GHR: variants seen among roughly 807,000 people sequenced by gnomAD.
GHR encodes the protein GH receptor.
GHR carries 35 observed loss-of-function variants against 67.1 expected under a neutral mutation model. The ratio of observed to expected loss-of-function variants is 0.52; its 90% confidence interval spans 0.40 to 0.69. GHR has a LOEUF of 0.69. Ranked by LOEUF, GHR falls within the 30% of genes least tolerant of loss-of-function variation. The probability of loss-of-function intolerance (pLI) is 0.00; values close to 1 mark genes in which losing one functional copy is unlikely to be tolerated. For synonymous variants in GHR, 272 were observed against 269.1 expected (o/e 1.01, Z -0.10); for missense variants, 792 against 764.6 (o/e 1.04, Z -0.42).
chr5:42,462,890 G>A (rs977175599), intron 1 of GHR, among the ~76,000 whole-genome samples: 4 of 151,930 alleles, frequency 2.6e-5, no homozygotes, highest in Admixed American at 6.6e-5. Flanking sequence ...ATTATATTAA[G>A]ATCTGAATGG....
chr5:42,686,860 T>C (rs1268029797), intron 3 of GHR, among the ~76,000 whole-genome samples: 1 of 152,204 alleles, frequency 6.6e-6, no homozygotes, highest in Non-Finnish European at 1.5e-5. Flanking sequence ...ATAAAGGGTA[T>C]TCAATTAGGA....
chr5:42,564,112 TA>T (rs1406675964), intron 1 of GHR, among the ~76,000 whole-genome samples: 1 of 150,586 alleles, frequency 6.6e-6, no homozygotes, highest in African/African-American at 2.4e-5. Flanking sequence ...GTGTGAGATT[TA>T]TTTGAAATCT....
chr5:42,587,309 T>C (rs1332755933), intron 2 of GHR, among the ~76,000 whole-genome samples: 4 of 152,162 alleles, frequency 2.6e-5, no homozygotes, highest in Admixed American at 2.6e-4. Flanking sequence ...TTTCTTTTCC[T>C]CCAAACAAAG....
At chr5:42,523,215 G>A (rs939121321) in intron 1 of GHR, among the ~76,000 whole-genome samples, 1 of 152,172 alleles carries the variant, frequency 6.6e-6, no homozygotes, top group Non-Finnish European at 1.5e-5. Context: ...TCTGGAATTA[G>A]AAACAATATC....
intron 2 of GHR, among the ~76,000 whole-genome samples, chr5:42,617,404 ACACAC>A (rs1753215316): frequency 6.6e-6 from 1 of 151,792 alleles, no homozygotes; most frequent in Non-Finnish European, 1.5e-5. Flanking sequence ...ACACACACAC[ACACAC>A]ACACACACAC....
chr5:42,693,364 TCTC>T (rs1483798224), intron 4 of GHR, among the ~76,000 whole-genome samples: 1 of 151,792 alleles, frequency 6.6e-6, no homozygotes, highest in African/African-American at 2.4e-5. Context: ...CTGGTCTCAA[TCTC>T]CTAACCCATG....
chr5:42,637,349 G>C (rs1754247926), intron 3 of GHR, among the ~76,000 whole-genome samples: 1 of 151,990 alleles, frequency 6.6e-6, no homozygotes, highest in Non-Finnish European at 1.5e-5. Flanking sequence ...GTGCAGGTTT[G>C]TTACATGGGT....
chr5:42,432,034 A>G (rs556492450), intron 1 of GHR, among the ~76,000 whole-genome samples: 1 of 152,304 alleles, frequency 6.6e-6, no homozygotes, highest in South Asian at 2.1e-4. Flanking sequence ...GTACTTATCC[A>G]TGGTTGACAA....
intron 1 of GHR, 196 bp from the exon 2 acceptor site, chr5:42,565,668 A>G: frequency 1.0e-6 from 1 of 985,366 alleles, no homozygotes; most frequent in Non-Finnish European, 1.2e-6. Context: ...GGGAAGTAGA[A>G]TTTATTACAA....
At chr5:42,684,323 C>G (rs769872307) in intron 3 of GHR, among the ~76,000 whole-genome samples, 1 of 152,208 alleles carries the variant, frequency 6.6e-6, no homozygotes, top group African/African-American at 2.4e-5. Context: ...GAGTACACAT[C>G]TCTCAATTTC....
intron 1 of GHR, among the ~76,000 whole-genome samples, chr5:42,434,561 A>C (rs748670852): frequency 6.6e-6 from 1 of 152,212 alleles, no homozygotes; most frequent in Non-Finnish European, 1.5e-5. Context: ...TCACAGTCTC[A>C]GTGACAGATT....
chr5:42,424,171 A>AGTGTGTGTGT lies in GHR; in HGVS notation c.-12+255_-12+264dup, dbSNP rs1158830359. Among the ~76,000 whole-genome samples the AGTGTGTGTGT allele has an allele frequency of 0.035, 3,498 of 100,522 alleles. 191 individuals carry two copies. Among genetic ancestry groups the AGTGTGTGTGT allele is most frequent in the Non-Finnish European group, 0.039 (1,981 of 50,376 alleles). 65.9% of individuals were successfully genotyped at this position (100,522 alleles called of 152,430 possible). ...CTGGTGGGTTGTTGTAACCCAATCT[A>AGTGTGTGTGT]GTGTGTGTGTGTGTGTGTGTGTGTG... On this transcript the variant is annotated intron_variant, in intron 1 of 9. Transcript: ENST00000230882. The surrounding 1 kb of genome is among the most constrained non-coding windows in gnomAD (Gnocchi z 4.1).
intron 1 of GHR, among the ~76,000 whole-genome samples, chr5:42,521,321 A>G (rs1747465102): frequency 6.6e-6 from 1 of 152,200 alleles, no homozygotes. Context: ...AATGGGCACT[A>G]AGAATGCATA....
intron 1 of GHR, among the ~76,000 whole-genome samples, chr5:42,526,712 C>T (rs1407920202): frequency 1.3e-5 from 2 of 152,076 alleles, no homozygotes; most frequent in Non-Finnish European, 2.9e-5. Flanking sequence ...AACCAAAAGT[C>T]AAATTCAGGA....
chr5:42,453,856 T>C (rs994878785), intron 1 of GHR, among the ~76,000 whole-genome samples: 7 of 152,144 alleles, frequency 4.6e-5, no homozygotes, highest in African/African-American at 1.7e-4. Context: ...AGAGGCTGCT[T>C]GCCTATTGGG....
intron 3 of GHR, among the ~76,000 whole-genome samples, chr5:42,637,135 A>G (rs1352463285): frequency 1.3e-5 from 2 of 152,110 alleles, no homozygotes; most frequent in African/African-American, 2.4e-5. Flanking sequence ...GTTTTATTGG[A>G]CCACACCCAT....
intron 1 of GHR, among the ~76,000 whole-genome samples, chr5:42,460,636 T>G (rs1268697214): frequency 1.3e-5 from 2 of 152,224 alleles, no homozygotes; most frequent in Non-Finnish European, 2.9e-5. Context: ...TAATTTTGTA[T>G]GTTAAACTTA....
intron 2 of GHR, among the ~76,000 whole-genome samples, chr5:42,610,269 A>G (rs1752828935): frequency 1.3e-5 from 2 of 152,152 alleles, no homozygotes; most frequent in South Asian, 4.1e-4. Context: ...ATTGGCAATG[A>G]ACTGATCTGA....
chr5:42,669,457 T>G (rs1756162918), intron 3 of GHR, among the ~76,000 whole-genome samples: 1 of 152,224 alleles, frequency 6.6e-6, no homozygotes, highest in Non-Finnish European at 1.5e-5. Flanking sequence ...TAGACTTCAT[T>G]AGCTTCAGAT....
Sources: gnomAD v4.1 joint callset for allele counts (sites outside exome capture counted in the v4.1 genomes callset) on GRCh38, gnomAD v4.1.1 for gene constraint, Gnocchi (gnomAD v3.1) non-coding constraint, MANE v1.5 for transcripts, NCBI Gene and HGNC (gene_info 2026-07-23, HGNC 2026-07-21) for gene names.